The following PATJ variants were observed in gnomAD, a reference collection of about 807,000 sequenced individuals.
PATJ encodes the protein inaD-like protein.
PATJ carries 190 observed loss-of-function variants against 224.9 expected under a neutral mutation model. The observed-to-expected ratio is 0.84, with a 90% CI of 0.75 to 0.95. The LOEUF is 0.95. Among genes scored for constraint, PATJ ranks in the 40% least tolerant of loss-of-function variants. The pLI is 0.00. For missense variants in PATJ, 2,121 were observed against 2,270.3 expected, an observed-to-expected ratio of 0.93 and a Z score of 1.34; for synonymous variants, 769 against 820.3, an observed-to-expected ratio of 0.94 and a Z score of 1.07.
intron 27 of PATJ, among the ~76,000 whole-genome samples, chr1:61,962,090 T>C (rs1159086962): frequency 6.6e-6 from 1 of 152,178 alleles, no homozygotes; most frequent in Admixed American, 6.5e-5. Flanking sequence ...TTCCTGACTC[T>C]CTCAGTTAGA....
At position 61,976,301 on chromosome 1, in the gene PATJ, T is replaced by A. The variant is rs80107868; in HGVS notation, c.3671-13867T>A. Among the ~76,000 whole-genome samples the A allele has an allele frequency of 8.5e-4, 129 of 152,180 alleles. 6 individuals are homozygous for A. In the East Asian group the frequency reaches 0.02, roughly 24 times the overall value. ...CTGAAACCCAAATCTTACCAATTAC[T>A]TACTTTGAGTTTAGGCAAGTTCCAT... On this transcript the variant is annotated intron_variant, in intron 27 of 43. Transcript: ENST00000642238.
chr1:62,096,610 C>A (rs572832808), intron 33 of PATJ, among the ~76,000 whole-genome samples: 1 of 152,226 alleles, frequency 6.6e-6, no homozygotes, highest in South Asian at 2.1e-4. Context: ...ATGGACAAGA[C>A]TGGTGTCACT....
chr1:61,863,874 G>A (rs1430783178), intron 19 of PATJ, among the ~76,000 whole-genome samples: 3 of 152,124 alleles, frequency 2.0e-5, no homozygotes, highest in African/African-American at 7.2e-5. Flanking sequence ...ATAATAGTTT[G>A]CAGTGTATGT....
chr1:62,031,571 A>G (rs1376540712), intron 29 of PATJ, among the ~76,000 whole-genome samples: 1 of 152,230 alleles, frequency 6.6e-6, no homozygotes, highest in East Asian at 1.9e-4. Flanking sequence ...TTAAAAAGTA[A>G]TAGCCCAAAA....
In PATJ at chr1:61,775,278, G is replaced by A. The variant is rs979044037; in HGVS notation, c.793G>A (p.Gly265Arg). 9.3e-6 allele frequency: 15 copies of A among 1,613,908 alleles called. No homozygotes were observed. Among genetic ancestry groups the A allele is most frequent in the Admixed American group, 1.7e-5 (1 of 59,996 alleles). Reference protein sequence around the residue: ...GSGLGFGIVGGKTSGVVVRTI... With the variant: ...GSGLGFGIVGRKTSGVVVRTI... ...TGGACTAGGTTTTGGAATAGTTGGA[G>A]GAAAAACAAGTGGCGTGGTTGTGAG... is the stretch of plus-strand genomic sequence containing the variant. Residue 265 changes from glycine (G) to arginine (R), a missense_variant, in exon 7 of 44, where the codon GGA (glycine) becomes AGA (arginine). By Grantham distance (125) the Gly-to-Arg change is moderately radical. Transcript: ENST00000642238.
At chr1:61,771,863 G>A (rs1646632332) in intron 6 of PATJ, among the ~76,000 whole-genome samples, 1 of 151,876 alleles carries the variant, frequency 6.6e-6, no homozygotes, top group Non-Finnish European at 1.5e-5. Flanking sequence ...GGGACTACAG[G>A]CGCCCACCAT....
chr1:61,955,986 G>A (rs1017087116), intron 27 of PATJ, among the ~76,000 whole-genome samples: 1 of 152,172 alleles, frequency 6.6e-6, no homozygotes, highest in Non-Finnish European at 1.5e-5. Flanking sequence ...AATGTTTACT[G>A]TATTCCCCAG....
intron 4 of PATJ, among the ~76,000 whole-genome samples, chr1:61,767,822 G>A (rs1044894842): frequency 6.6e-6 from 1 of 151,610 alleles, no homozygotes; most frequent in Non-Finnish European, 1.5e-5. Context: ...GACTACAGGC[G>A]TGTGTCACCA....
intron 29 of PATJ, among the ~76,000 whole-genome samples, chr1:62,036,801 G>A (rs1650464170): frequency 6.9e-6 from 1 of 145,934 alleles, no homozygotes; most frequent in African/African-American, 2.5e-5. Context: ...GAACCCAGGA[G>A]GTGGAGGCTG....
chr1:61,841,895 A>G (rs1661157338), intron 17 of PATJ, among the ~76,000 whole-genome samples: 1 of 152,196 alleles, frequency 6.6e-6, no homozygotes, highest in Admixed American at 6.5e-5. Context: ...ATTTCTTTTC[A>G]CAGAGGATTT....
chr1:62,059,503 G>C (rs1356391607), intron 31 of PATJ, among the ~76,000 whole-genome samples: 2 of 151,910 alleles, frequency 1.3e-5, no homozygotes, highest in Admixed American at 6.6e-5. Context: ...TGTAATCCTA[G>C]ATACTCGGGA....
At chr1:61,982,138 T>C (rs1056686981) in intron 27 of PATJ, among the ~76,000 whole-genome samples, 1 of 152,030 alleles carries the variant, frequency 6.6e-6, no homozygotes, top group Non-Finnish European at 1.5e-5. Flanking sequence ...TTCTAGTTTC[T>C]GTGGCCACTT....
At chr1:61,862,457 G>A (rs1016914935) in intron 19 of PATJ, among the ~76,000 whole-genome samples, 1 of 152,080 alleles carries the variant, frequency 6.6e-6, no homozygotes, top group African/African-American at 2.4e-5. Context: ...TCGGCCTCCC[G>A]AAGTGCTGAG....
At chr1:61,939,156 A>T (rs1677372651) in intron 27 of PATJ, among the ~76,000 whole-genome samples, 1 of 149,972 alleles carries the variant, frequency 6.7e-6, no homozygotes, top group African/African-American at 2.5e-5. Flanking sequence ...AAATTCATGT[A>T]ATTCTAAAAA....
chr1:61,776,334 C>A (rs1157444885), intron 7 of PATJ, among the ~76,000 whole-genome samples: 1 of 152,228 alleles, frequency 6.6e-6, no homozygotes, highest in Non-Finnish European at 1.5e-5. Context: ...ACCCTGCTAA[C>A]ATTTGTACTG....
At chr1:62,159,799 T>C (rs1232873809) in intron 43 of PATJ, among the ~76,000 whole-genome samples, 2 of 147,414 alleles carry the variant, frequency 1.4e-5, no homozygotes, top group Admixed American at 6.8e-5. Flanking sequence ...TCGCCTGAGA[T>C]TCCCAAAGTG....
At chr1:61,782,370 A>T (rs1647523817) in intron 7 of PATJ, among the ~76,000 whole-genome samples, 1 of 152,162 alleles carries the variant, frequency 6.6e-6, no homozygotes, top group South Asian at 2.1e-4. Context: ...AGAGAAATGT[A>T]TTCTCATTTT....
rs1571025647 is a variant in PATJ, at chr1:61,871,970, T to C, written c.2836-3273T>C. ...GTCCACCCACCTCGGCCTCCCAAAG[T>C]GCTGGGATTACAGGCTTGAGCCACT... On this transcript the variant is annotated intron_variant, in intron 20 of 43. Transcript: ENST00000642238. Among the ~76,000 whole-genome samples, 5 of 152,024 alleles carry C rather than the reference T, an allele frequency of 3.3e-5. No individual in the cohort carries two copies. In the South Asian group the frequency reaches 1.0e-3, roughly 32 times the overall value.
intron 17 of PATJ, among the ~76,000 whole-genome samples, chr1:61,854,969 A>T (rs1433015005): frequency 6.6e-6 from 1 of 152,198 alleles, no homozygotes; most frequent in Non-Finnish European, 1.5e-5. Flanking sequence ...TTGTGACCTA[A>T]GGGTACTATA....
Sources: allele counts gnomAD v4.1 joint callset (sites outside exome capture counted in the v4.1 genomes callset), GRCh38; gene constraint gnomAD v4.1.1; transcripts MANE v1.5; gene names NCBI Gene and HGNC (gene_info 2026-07-23, HGNC 2026-07-21).